The following SKAP2 variants were observed in gnomAD, a reference collection of about 807,000 sequenced individuals.
SKAP2 encodes the protein src kinase-associated phosphoprotein 2.
A neutral mutation model predicts 54.9 loss-of-function variants in SKAP2; 28 were observed. The ratio of observed to expected loss-of-function variants is 0.51; its 90% CI spans 0.38 to 0.70. The LOEUF is 0.70. SKAP2 is among the 30% of genes least tolerant of loss of function. The pLI is 0.00. For synonymous variants in SKAP2, 137 were observed against 134.3 expected (o/e 1.02, Z -0.14); for missense variants, 356 against 424.1 (o/e 0.84, Z 1.41).
chr7:26,727,118 G>T, intron 6 of SKAP2, 112 bp from the exon 7 acceptor site: 1 of 772,842 alleles, frequency 1.3e-6, no homozygotes, highest in Non-Finnish European at 2.0e-6. Flanking sequence ...TGGTCATATT[G>T]CTTTAGTAAT....
At chr7:26,765,283 G>C (rs972219661) in intron 4 of SKAP2, among the ~76,000 whole-genome samples, 2 of 152,056 alleles carry the variant, frequency 1.3e-5, no homozygotes, top group African/African-American at 4.8e-5. Flanking sequence ...GTCTTCTTTT[G>C]AGAAGTGTCT....
At chr7:26,671,929 T>TA (rs1786252825) in intron 11 of SKAP2, among the ~76,000 whole-genome samples, 1 of 151,984 alleles carries the variant, frequency 6.6e-6, no homozygotes, top group Non-Finnish European at 1.5e-5. Flanking sequence ...GCCTAATGCT[T>TA]AAAAAAACAC....
chr7:26,712,415 G>A (rs1170790859), intron 9 of SKAP2, among the ~76,000 whole-genome samples: 2 of 152,146 alleles, frequency 1.3e-5, no homozygotes, highest in Non-Finnish European at 2.9e-5. Flanking sequence ...TGGTTGGTAC[G>A]TTCTCTCTTC....
rs138740188 is a variant in SKAP2 at position 26,725,550 on chromosome 7, A to G, written c.674T>C (p.Ile225Thr). 6.9e-6 allele frequency: 11 copies of G among 1,602,576 alleles called. No individual in the cohort carries two copies. The highest frequency in any genetic ancestry group is 6.7e-5 in the African/African-American group (5 of 74,608). ...KFVLQDMESD[I>T]IPEDYDERGE... ...TCTCTCATCATAATCCTCAGGAATA[A>G]TATCAGATTCCATATCTATAAAACA... The change falls in exon 9 of 13, where the codon ATT (isoleucine) becomes ACT (threonine). Residue 225 changes from isoleucine to threonine, a missense_variant. Physicochemically the swap from Ile to Thr is moderately conservative, Grantham distance 89 (BLOSUM62 -1). Transcript: ENST00000345317.
chr7:26,720,510 C>T (rs369864579), intron 9 of SKAP2, among the ~76,000 whole-genome samples: 1 of 151,878 alleles, frequency 6.6e-6, no homozygotes, highest in Admixed American at 6.6e-5. Flanking sequence ...TTTATAACTT[C>T]GGATAACCCT....
chr7:26,679,390 A>T lies in SKAP2; in HGVS notation c.987+5346T>A, dbSNP rs887359587. On this transcript the variant is annotated intron_variant, in intron 11 of 12. Coordinates refer to ENST00000345317, the MANE Select transcript of SKAP2 (RefSeq NM_003930.5). Reference sequence around the variant, plus strand: ...TTCTGACATGGTGTTGTGTCCATAAACTGCTTTTCACTCCTAGGAGGAGAT... The same window carrying T: ...TTCTGACATGGTGTTGTGTCCATAATCTGCTTTTCACTCCTAGGAGGAGAT... Among the ~76,000 whole-genome samples, 5 of 152,170 alleles carry T rather than the reference A, an allele frequency of 3.3e-5. No individual in the cohort carries two copies. In the East Asian group the frequency reaches 9.6e-4, roughly 29 times the overall value.
At chr7:26,714,342 A>C (rs369667910) in intron 9 of SKAP2, among the ~76,000 whole-genome samples, 114 of 152,336 alleles carry the variant, frequency 7.5e-4, no homozygotes, top group Admixed American at 2.1e-3. Flanking sequence ...AATAAGGAAC[A>C]AAGGGGCTAA....
intron 4 of SKAP2, among the ~76,000 whole-genome samples, chr7:26,804,738 CA>C (rs11306463): frequency 0.31 from 26,966 of 87,254 alleles, 1,852 homozygotes; most frequent in Admixed American, 0.32. Context: ...GACCCCGTCT[CA>C]AAAAAAAAAA....
intron 9 of SKAP2, among the ~76,000 whole-genome samples, chr7:26,707,119 A>G (rs566192156): frequency 6.6e-6 from 1 of 152,246 alleles, no homozygotes; most frequent in Admixed American, 6.5e-5. Flanking sequence ...TAGCACTTTG[A>G]GAGGCCAAGG....
chr7:26,818,597 C>T (rs1043128365), intron 4 of SKAP2, among the ~76,000 whole-genome samples: 1 of 152,118 alleles, frequency 6.6e-6, no homozygotes, highest in Non-Finnish European at 1.5e-5. Context: ...AATTAAAGAG[C>T]TTCTGGACAG....
At position 26,854,629 on chromosome 7, in the gene SKAP2, T is replaced by C. The variant is rs538244152; in HGVS notation, c.173+156A>G. On this transcript the variant is annotated intron_variant, in intron 2 of 12. Transcript: ENST00000345317. The stretch of plus-strand genomic sequence containing the variant: ...AGCATATCTGTGTTTAAAAACTATA[T>C]AGTGGAAATATATTTTTTGCCCTTC... 2.2e-3 allele frequency among the ~76,000 whole-genome samples: 333 copies of C among 152,132 alleles called. 1 individual carries two copies. The highest frequency in any genetic ancestry group is 7.7e-3 in the African/African-American group (319 of 41,554).
At chr7:26,727,084 T>C (rs1787724813) in intron 6 of SKAP2, 78 bp from the exon 7 acceptor site, 1 of 1,213,214 alleles carries the variant, frequency 8.2e-7, no homozygotes, top group Non-Finnish European at 1.1e-6. Flanking sequence ...AATTTCTTCA[T>C]CAATTCTTGG....
chr7:26,657,833 C>G, the SKAP2 span, among the ~76,000 whole-genome samples: 1 of 146,658 alleles, frequency 6.8e-6, no homozygotes, highest in Admixed American at 7.2e-5. Flanking sequence ...TTTTCCTGAT[C>G]TCCTCTTTCT....
At chr7:26,656,446 GT>G in the SKAP2 span, among the ~76,000 whole-genome samples, 2 of 152,130 alleles carry the variant, frequency 1.3e-5, no homozygotes, top group Non-Finnish European at 2.9e-5. Context: ...CTGTTATACT[GT>G]TTCCAAACAA....
chr7:26,839,382 A>G (rs1343913557), intron 4 of SKAP2, among the ~76,000 whole-genome samples: 2 of 152,166 alleles, frequency 1.3e-5, no homozygotes, highest in Non-Finnish European at 2.9e-5. Flanking sequence ...CATTGTTATT[A>G]AACTGCTAAA....
chr7:26,709,494 G>C (rs55734102), intron 9 of SKAP2, among the ~76,000 whole-genome samples: 1 of 152,126 alleles, frequency 6.6e-6, no homozygotes, highest in African/African-American at 2.4e-5. Context: ...TCTGCCCACT[G>C]AATCAAAGTA....
intron 6 of SKAP2, among the ~76,000 whole-genome samples, chr7:26,736,175 T>G (rs1373968546): frequency 2.0e-5 from 3 of 152,142 alleles, no homozygotes; most frequent in African/African-American, 7.2e-5. Context: ...CCCAGGAGGT[T>G]AGGCATTCTT....
At chr7:26,799,206 C>A (rs1783854423) in intron 4 of SKAP2, among the ~76,000 whole-genome samples, 1 of 151,690 alleles carries the variant, frequency 6.6e-6, no homozygotes, top group South Asian at 2.1e-4. Context: ...GGTATTAGTC[C>A]TTACTTATCA....
chr7:26,800,400 G>T (rs1400927380), intron 4 of SKAP2, among the ~76,000 whole-genome samples: 2 of 152,038 alleles, frequency 1.3e-5, no homozygotes, highest in Non-Finnish European at 2.9e-5. Context: ...ATAGCTATAA[G>T]TGCCTATATT....
Sources: gnomAD v4.1 joint callset for allele counts (sites outside exome capture counted in the v4.1 genomes callset) on GRCh38, gnomAD v4.1.1 for gene constraint, MANE v1.5 for transcripts, NCBI Gene and HGNC (gene_info 2026-07-23, HGNC 2026-07-21) for gene names.